Variants in MGME1 observed in about 807,000 individuals in gnomAD.
MGME1 encodes chromosome 20 open reading frame 72.
MGME1 carries 22 observed loss-of-function variants against 33.0 expected under a neutral mutation model. The ratio of observed to expected loss-of-function variants is 0.67; its 90% CI spans 0.48 to 0.95. MGME1 has a LOEUF of 0.95. Ranked by LOEUF, MGME1 falls within the 40% of genes least tolerant of loss-of-function variation. The pLI is 0.00. For missense variants in MGME1, 383 were observed against 397.8 expected (o/e 0.96, Z 0.32); for synonymous variants, 133 against 144.0 (o/e 0.92, Z 0.55).
Position 17,988,164 on chromosome 20 carries a change from A to G in MGME1, c.732-2A>G. On this transcript the variant is annotated splice_acceptor_variant, in intron 3 of 4. Coordinates refer to ENST00000377710, the MANE Select transcript of MGME1 (RefSeq NM_052865.4). LOFTEE classifies it high-confidence loss of function. ...CAAAGTCTTCCTGTGGTTTCTCTTTAGGGGCAAGCTCTGTGTGATTGATTG... is the reference window on the plus strand; with the variant it reads ...CAAAGTCTTCCTGTGGTTTCTCTTTGGGGGCAAGCTCTGTGTGATTGATTG... The G allele has an allele frequency of 6.2e-7, 1 of 1,609,710 alleles. No individual in the cohort carries two copies. Among genetic ancestry groups the G allele is most frequent in the African/African-American group, 1.3e-5 (1 of 74,744 alleles).
At chr20:17,986,658 G>A (rs912349720) in intron 3 of MGME1, among the ~76,000 whole-genome samples, 4 of 151,914 alleles carry the variant, frequency 2.6e-5, no homozygotes, top group Non-Finnish European at 5.9e-5. Flanking sequence ...ATCACACCTG[G>A]CCTGCCATTG....
rs2036273050 is a variant in MGME1, at chr20:17,990,422, G to GGGGC, written c.*314_*315insGGCG. 3 of 302,112 alleles carry GGGGC rather than the reference G, an allele frequency of 9.9e-6. No individual in the cohort carries two copies. The highest frequency in any genetic ancestry group is 7.5e-5 in the South Asian group (2 of 26,750). 18.7% of individuals were successfully genotyped at this position (302,112 alleles called of 1,614,324 possible). A position where few individuals can be genotyped will look rare whatever the true frequency, so the allele number is the denominator to read the frequency against. On this transcript the variant is annotated 3_prime_UTR_variant, in exon 5 of 5. Transcript: ENST00000377710. ...CCTTGAGGGACATTGGGGGGGGGGGGGCGTGGTCCCAGGCAGGATGCCCAG... is the reference window on the plus strand; with the variant it reads ...CCTTGAGGGACATTGGGGGGGGGGGGGGGCGCGTGGTCCCAGGCAGGATGCCCAG...
Position 17,985,374 on chromosome 20 carries a change from A to G in MGME1, c.732-2792A>G, listed in dbSNP as rs1443897673. Among the ~76,000 whole-genome samples, 3 of 152,064 alleles carry G rather than the reference A, an allele frequency of 2.0e-5. No individual in the cohort carries two copies. In the East Asian group the frequency reaches 5.8e-4, roughly 29 times the overall value. On this transcript the variant is annotated intron_variant, in intron 3 of 4. Transcript: ENST00000377710. ...GGAGGTGGAGGTTGCAGTGAGCCAA[A>G]ATTGTGCCATTGCACTCCAGCCTGG...
chr20:17,988,395 A>T (rs1336462699), intron 4 of MGME1, 97 bp downstream of exon 4: 2 of 1,368,066 alleles, frequency 1.5e-6, no homozygotes, highest in Non-Finnish European at 9.9e-7. Flanking sequence ...TAATCCTAGC[A>T]CTTTGGGAGG....
intron 3 of MGME1, among the ~76,000 whole-genome samples, chr20:17,981,648 CGTGTGTGTGTGT>C (rs10677204): frequency 8.6e-5 from 12 of 139,810 alleles, no homozygotes; most frequent in African/African-American, 1.3e-4. Context: ...ATCTACTACT[CGTGTGTGTGTGT>C]GTGTGTGTGT....
intron 2 of MGME1, among the ~76,000 whole-genome samples, chr20:17,970,713 A>C (rs1454676251): frequency 6.6e-6 from 1 of 152,238 alleles, no homozygotes; most frequent in African/African-American, 2.4e-5. Flanking sequence ...TGGTAACAGA[A>C]TTCTAGTTGT....
rs1568619421 is a variant in MGME1, at chr20:17,990,209, A to C, written c.*100A>C. Reference sequence around the variant, plus strand: ...TAAAAATGAGGTGCCACTGGATCTGAGTGCTACACGAACACAAGTAGAAGT... The same window carrying C: ...TAAAAATGAGGTGCCACTGGATCTGCGTGCTACACGAACACAAGTAGAAGT... On this transcript the variant is annotated 3_prime_UTR_variant, in exon 5 of 5. Coordinates refer to ENST00000377710, the MANE Select transcript of MGME1 (RefSeq NM_052865.4). 1.0e-6 allele frequency: 1 copy of C among 985,172 alleles called. No homozygotes were observed. Among genetic ancestry groups the C allele is most frequent in the Non-Finnish European group, 1.6e-6 (1 of 623,818 alleles). The allele number at this position is 985,172 out of a possible 1,614,324, so 61.0% of individuals were successfully genotyped here.
Position 17,990,167 on chromosome 20 carries a change from T to C in MGME1, c.*58T>C. ...CTTCTCACAGTTTGGGAACATATAT[T>C]GCTGTTTACTCCAGTGTAAAAATGA... On this transcript the variant is annotated 3_prime_UTR_variant, in exon 5 of 5. Transcript: ENST00000377710. 6.9e-7 allele frequency: 1 copy of C among 1,458,414 alleles called. No individual in the cohort carries two copies. The highest frequency in any genetic ancestry group is 2.3e-5 in the East Asian group (1 of 43,956). The allele number at this position is 1,458,414 out of a possible 1,614,324, so 90.3% of individuals were successfully genotyped here. A position where few individuals can be genotyped will look rare whatever the true frequency, so the allele number is the denominator to read the frequency against.
At chr20:17,974,189 A>G (rs892302730) in intron 2 of MGME1, among the ~76,000 whole-genome samples, 75 of 149,538 alleles carry the variant, frequency 5.0e-4, no homozygotes, top group African/African-American at 1.7e-3. Context: ...CTCAGCCTCC[A>G]GAGTAGCTGG....
intron 4 of MGME1, among the ~76,000 whole-genome samples, chr20:17,989,164 T>C (rs989583988): frequency 1.3e-5 from 2 of 151,834 alleles, no homozygotes; most frequent in Admixed American, 1.3e-4. Context: ...GTTGGGCAGA[T>C]CACCTGATGT....
chr20:17,973,640 C>CA (rs11482677), intron 2 of MGME1, among the ~76,000 whole-genome samples: 108,959 of 147,572 alleles, frequency 0.74, 40,889 homozygotes, highest in East Asian at 0.97. Context: ...GACCCTGTCT[C>CA]AAAAAAAAAA....
intron 3 of MGME1, among the ~76,000 whole-genome samples, chr20:17,977,929 C>G (rs764136183): frequency 6.6e-6 from 1 of 152,098 alleles, no homozygotes; most frequent in South Asian, 2.1e-4. Context: ...ATAAGGCAAG[C>G]GATCACTAAG....
chr20:17,969,724 C>T, intron 1 of MGME1, 77 bp from the exon 2 acceptor site: 1 of 921,292 alleles, frequency 1.1e-6, no homozygotes, highest in Non-Finnish European at 1.6e-6. Flanking sequence ...CCAAACATGT[C>T]GAAAAAGTTC....
chr20:17,974,425 A>G (rs371514359), intron 2 of MGME1, among the ~76,000 whole-genome samples: 1 of 152,286 alleles, frequency 6.6e-6, no homozygotes. Context: ...CTTGGAGGCC[A>G]ACGAGCACTG....
At position 17,969,731 on chromosome 20, in the gene MGME1, G is replaced by A. The variant is rs2035662510; in HGVS notation, c.-59-70G>A. The A allele has an allele frequency of 1.1e-5, 11 of 994,304 alleles. No homozygotes were observed. In the South Asian group the frequency reaches 1.9e-4, roughly 17 times the overall value. The allele number at this position is 994,304 out of a possible 1,614,324, so 61.6% of individuals were successfully genotyped here. A position where few individuals can be genotyped will look rare whatever the true frequency, so the allele number is the denominator to read the frequency against. The stretch of plus-strand genomic sequence containing the variant: ...GGCTCTGTCCAAACATGTCGAAAAA[G>A]TTCACAATTTTGATGTGCAATATCA... On this transcript the variant is annotated intron_variant, in intron 1 of 4. Transcript: ENST00000377710.
intron 4 of MGME1, among the ~76,000 whole-genome samples, chr20:17,988,658 A>AAAG (rs1306320549): frequency 6.6e-6 from 1 of 151,798 alleles, no homozygotes; most frequent in East Asian, 1.9e-4. Context: ...GTCTCAAAAA[A>AAAG]AAAAAAAAAA....
chr20:17,973,545 G>C (rs1349566616), intron 2 of MGME1, among the ~76,000 whole-genome samples: 1 of 151,474 alleles, frequency 6.6e-6, no homozygotes, highest in Non-Finnish European at 1.5e-5. Flanking sequence ...AGGAAGCTGA[G>C]ACAGGAGGAT....
intron 2 of MGME1, among the ~76,000 whole-genome samples, chr20:17,974,743 G>A (rs1600383059): frequency 6.6e-6 from 1 of 152,002 alleles, no homozygotes; most frequent in South Asian, 2.1e-4. Context: ...AAAAATGTAT[G>A]AGGGAAAAAA....
At chr20:17,971,522 A>G (rs1348495844) in intron 2 of MGME1, among the ~76,000 whole-genome samples, 4 of 152,230 alleles carry the variant, frequency 2.6e-5, no homozygotes, top group Non-Finnish European at 2.9e-5. Flanking sequence ...TAAACCAGGA[A>G]TGTACAGCTG....
Sources: gnomAD v4.1 joint callset for allele counts (sites outside exome capture counted in the v4.1 genomes callset) on GRCh38, gnomAD v4.1.1 for gene constraint, MANE v1.5 for transcripts, NCBI Gene and HGNC (gene_info 2026-07-23, HGNC 2026-07-21) for gene names.